Variants in CMYA5 observed in about 807,000 individuals in gnomAD.
CMYA5 encodes cardiomyopathy-associated protein 5.
In CMYA5, 246 loss-of-function variants were observed where a neutral mutation model predicts 318.9. The ratio of observed to expected loss-of-function variants is 0.77; its 90% CI spans 0.70 to 0.86. The LOEUF is 0.86. Ranked by LOEUF, CMYA5 falls within the 40% of genes least tolerant of loss-of-function variation. CMYA5 has a pLI of 0.00. For synonymous variants in CMYA5, 1,641 were observed against 1,729.5 expected (o/e 0.95, Z 1.27); for missense variants, 4,589 against 4,678.2 (o/e 0.98, Z 0.56).
At chr5:79,752,058 A>G (rs1013603586) in intron 5 of CMYA5, among the ~76,000 whole-genome samples, 1 of 152,248 alleles carries the variant, frequency 6.6e-6, no homozygotes, top group South Asian at 2.1e-4. Context: ...TTGGCATTCC[A>G]GCTAATGAGG....
chr5:79,725,729 C>G (rs36106636), intron 1 of CMYA5, among the ~76,000 whole-genome samples: 19,561 of 152,224 alleles, frequency 0.13, 1,398 homozygotes, highest in Middle Eastern at 0.19. Flanking sequence ...ATGGTGAAAT[C>G]TCGTCTCTAC....
chr5:79,705,078 C>T (rs1561628394), intron 1 of CMYA5, among the ~76,000 whole-genome samples: 4 of 151,626 alleles, frequency 2.6e-5, no homozygotes, highest in South Asian at 2.1e-4. Context: ...CGAGACCAGC[C>T]GGGCCTAGTA....
At chr5:79,766,803 G>T (rs1337332798) in intron 9 of CMYA5, among the ~76,000 whole-genome samples, 1 of 152,182 alleles carries the variant, frequency 6.6e-6, no homozygotes, top group African/African-American at 2.4e-5. Flanking sequence ...TTGGTATCAG[G>T]ATGATGCTAG....
In CMYA5 at chr5:79,799,865, T is replaced by C; in HGVS notation, c.*249T>C. On this transcript the variant is annotated 3_prime_UTR_variant, in exon 13 of 13. Transcript: ENST00000446378. ...GTTTATATAAGTTTGAGTTCTTTCC[T>C]AAATTAAAAGATCTACACTTGAGTT... 2.5e-5 allele frequency: 4 copies of C among 159,648 alleles called. No individual in the cohort carries two copies. Among genetic ancestry groups the C allele is most frequent in the South Asian group, 2.2e-4 (1 of 4,588 alleles). 9.9% of individuals were successfully genotyped at this position (159,648 alleles called of 1,614,324 possible).
At chr5:79,709,417 A>C (rs1478077677) in intron 1 of CMYA5, among the ~76,000 whole-genome samples, 1 of 152,190 alleles carries the variant, frequency 6.6e-6, no homozygotes, top group Non-Finnish European at 1.5e-5. Flanking sequence ...ATGGAATGCT[A>C]TGTTAACTAT....
intron 9 of CMYA5, among the ~76,000 whole-genome samples, chr5:79,777,783 AT>A (rs550289397): frequency 3.9e-4 from 55 of 139,770 alleles, no homozygotes; most frequent in South Asian, 2.3e-3. Flanking sequence ...CTTAAAAAAA[AT>A]AATAAAAATA....
rs1827943361 is a variant in CMYA5 at position 79,732,650 on chromosome 5, T to C, written c.3885T>C (p.Ala1295=). 6.2e-7 allele frequency: 1 copy of C among 1,613,362 alleles called. No individual in the cohort carries two copies. Among genetic ancestry groups the C allele is most frequent in the Admixed American group, 1.7e-5 (1 of 59,884 alleles). The stretch of plus-strand genomic sequence containing the variant: ...AAACATCTTTATCTGGACCTGAGGC[T>C]TTATCAGCAGTGAAAATGGAGATGA... ...LKETSLSGPE[A]LSAVKMEMKH... is the part of the protein sequence containing the mutation. The change falls in exon 2 of 13, where the codon GCT becomes GCC. Residue 1295 remains alanine, a synonymous_variant. Coordinates refer to ENST00000446378, the MANE Select transcript of CMYA5 (RefSeq NM_153610.5).
At chr5:79,745,097 A>T (rs1828290752) in intron 3 of CMYA5, 125 bp from the exon 4 acceptor site, 1 of 641,078 alleles carries the variant, frequency 1.6e-6, no homozygotes. Flanking sequence ...TGTGCATGTG[A>T]TGTCTGATTC....
rs1032841211 is a variant in CMYA5, at chr5:79,730,592, G to C, written c.1827G>C (p.Gln609His). The C allele has an allele frequency of 1.9e-6, 3 of 1,613,892 alleles. No individual in the cohort carries two copies. The highest frequency in any genetic ancestry group is 2.7e-5 in the African/African-American group (2 of 74,916). Residue 609 changes from glutamine (Q) to histidine (H), a missense_variant, in exon 2 of 13, where the codon CAG (glutamine) becomes CAC (histidine). Gln to His is a conservative substitution (Grantham distance 24, BLOSUM62 0). Around this residue, in one of 3 missense-constraint regions of CMYA5, gnomAD observed 2,132 missense variants for 2,131.3 expected, o/e 1.00. Coordinates refer to ENST00000446378, the MANE Select transcript of CMYA5 (RefSeq NM_153610.5). ...SVPQDLNHEL[Q>H]EQEGEPVPPS... The stretch of plus-strand genomic sequence containing the variant: ...CACAGGATTTGAACCATGAATTACA[G>C]GAGCAAGAAGGTGAGCCAGTTCCCC...
Position 79,733,322 on chromosome 5 carries a change from C to G in CMYA5, c.4557C>G (p.Thr1519=), listed in dbSNP as rs1561208819. The change falls in exon 2 of 13, where the codon ACC becomes ACG. Residue 1519 remains threonine (T), a synonymous_variant. Transcript: ENST00000446378. ...VSSQKKSLMS[T]SEVLEPEHEL... Reference sequence around the variant, plus strand: ...CACAGAAGAAGAGCTTGATGTCTACCTCAGAGGTGTTAGAGCCTGAACATG... The same window carrying G: ...CACAGAAGAAGAGCTTGATGTCTACGTCAGAGGTGTTAGAGCCTGAACATG... The G allele has an allele frequency of 6.2e-7, 1 of 1,613,652 alleles. No homozygotes were observed. Among genetic ancestry groups the G allele is most frequent in the Non-Finnish European group, 8.5e-7 (1 of 1,179,810 alleles).
chr5:79,691,140 T>C (rs1826963376), intron 1 of CMYA5, among the ~76,000 whole-genome samples: 1 of 152,066 alleles, frequency 6.6e-6, no homozygotes, highest in Non-Finnish European at 1.5e-5. Context: ...AAGGGAGGAC[T>C]ATGGGTACTG....
At position 79,735,087 on chromosome 5, in the gene CMYA5, G is replaced by T; in HGVS notation, c.6322G>T (p.Val2108Phe). 1 of 1,613,766 alleles carries T rather than the reference G, an allele frequency of 6.2e-7. No individual in the cohort carries two copies. The highest frequency in any genetic ancestry group is 2.2e-5 in the East Asian group (1 of 44,876). The change falls in exon 2 of 13, where the codon GTT becomes TTT. Residue 2108 changes from valine to phenylalanine, a missense_variant. By Grantham distance (50) the Val-to-Phe change is conservative (BLOSUM62 -1). Transcript: ENST00000446378. ...GAAGCCATTGGAAGAATCAAAAATG[G>T]TTCAGTCAAAGGTTATTGATGATGC... ...EEKPLEESKM[V>F]QSKVIDDADE...
chr5:79,774,052 C>G (rs1828898510), intron 9 of CMYA5, among the ~76,000 whole-genome samples: 1 of 152,174 alleles, frequency 6.6e-6, no homozygotes, highest in African/African-American at 2.4e-5. Context: ...GCAGTCCTTC[C>G]CCAGGTATAA....
At position 79,789,066 on chromosome 5, in the gene CMYA5, C is replaced by G; in HGVS notation, c.11651C>G (p.Thr3884Arg). ...FYVRAINAFG[T>R]SEQSEAALIS... The stretch of plus-strand genomic sequence containing the variant: ...GTGAGGGCCATCAATGCATTTGGGA[C>G]AAGTGAACAGAGTGAAGCTGCTCTC... Residue 3884 changes from threonine to arginine, a missense_variant, in exon 10 of 13, where the codon ACA becomes AGA. Transcript: ENST00000446378. 1.2e-6 allele frequency: 2 copies of G among 1,613,960 alleles called. No individual in the cohort carries two copies. The highest frequency in any genetic ancestry group is 1.7e-6 in the Non-Finnish European group (2 of 1,179,856).
chr5:79,794,900 G>A (rs1480502411), intron 12 of CMYA5, among the ~76,000 whole-genome samples: 1 of 152,082 alleles, frequency 6.6e-6, no homozygotes, highest in Non-Finnish European at 1.5e-5. Flanking sequence ...ATGATTAATT[G>A]ATATTCAGTG....
intron 1 of CMYA5, among the ~76,000 whole-genome samples, chr5:79,690,840 A>G (rs931768235): frequency 3.3e-5 from 5 of 152,182 alleles, no homozygotes; most frequent in African/African-American, 7.2e-5. Context: ...ATAACAGTAG[A>G]AAGGCTTTGA....
chr5:79,769,125 G>A (rs776811698), intron 9 of CMYA5, among the ~76,000 whole-genome samples: 1 of 151,896 alleles, frequency 6.6e-6, no homozygotes, highest in Non-Finnish European at 1.5e-5. Flanking sequence ...AAGTTCTCGT[G>A]CTGTGTTTTT....
In CMYA5 at chr5:79,734,167, A is replaced by G. The variant is rs779785986; in HGVS notation, c.5402A>G (p.Gln1801Arg). The change falls in exon 2 of 13, where the codon CAG becomes CGG. Residue 1801 changes from glutamine to arginine, a missense_variant. Gln to Arg is a conservative substitution (Grantham distance 43, BLOSUM62 1). Transcript: ENST00000446378. ...SEETGHPNSS[Q>R]VLQSITEPSK... ...GAAACAGGCCACCCAAATTCATCCC[A>G]GGTACTCCAGAGTATAACAGAACCA... 3 of 1,613,832 alleles carry G rather than the reference A, an allele frequency of 1.9e-6. No individual in the cohort carries two copies. The highest frequency in any genetic ancestry group is 1.7e-5 in the Admixed American group (1 of 59,978).
At chr5:79,788,096 C>T (rs913225804) in intron 9 of CMYA5, among the ~76,000 whole-genome samples, 2 of 152,152 alleles carry the variant, frequency 1.3e-5, no homozygotes, top group African/African-American at 4.8e-5. Flanking sequence ...ACAATTATAT[C>T]TCCTTGCAGG....
Sources: allele counts gnomAD v4.1 joint callset (sites outside exome capture counted in the v4.1 genomes callset), GRCh38; gene constraint gnomAD v4.1.1; regional missense constraint gnomAD v4.1.1; transcripts MANE v1.5; gene names NCBI Gene and HGNC (gene_info 2026-07-23, HGNC 2026-07-21).